Variants in GRIP2 observed in about 807,000 individuals in gnomAD.
GRIP2 encodes the protein glutamate receptor-interacting protein 2.
In GRIP2, 58 loss-of-function variants were observed where a neutral mutation model predicts 108.3. That is an observed-to-expected ratio of 0.54 (90% CI 0.43 to 0.67). The LOEUF is 0.67. Ranked by LOEUF, GRIP2 falls within the 30% of genes least tolerant of loss-of-function variation. GRIP2 has a pLI of 0.00. For synonymous variants in GRIP2, 586 were observed against 598.2 expected, an observed-to-expected ratio of 0.98 and a Z score of 0.30; for missense variants, 1,278 against 1,430.6, an observed-to-expected ratio of 0.89 and a Z score of 1.72.
intron 1 of GRIP2, among the ~76,000 whole-genome samples, chr3:14,538,097 C>T (rs1274941583): frequency 6.6e-6 from 1 of 152,190 alleles, no homozygotes; most frequent in Non-Finnish European, 1.5e-5. Flanking sequence ...AAGGGACCCA[C>T]CCAGAGTCCA....
At chr3:14,518,004 C>A (rs747887714) in intron 9 of GRIP2, 107 bp from the exon 10 acceptor site, 9 of 1,313,882 alleles carry the variant, frequency 6.8e-6, no homozygotes, top group Non-Finnish European at 6.1e-6. Context: ...TCCCCTGAGC[C>A]AGGCAAGGCA....
At chr3:14,598,398 C>A in the GRIP2 span, among the ~76,000 whole-genome samples, 1 of 151,924 alleles carries the variant, frequency 6.6e-6, no homozygotes, top group Non-Finnish European at 1.5e-5. Context: ...CCTTAACAGT[C>A]CATAACTGCA....
chr3:14,525,599 G>C, intron 2 of GRIP2, 27 bp from the exon 3 acceptor site: 1 of 1,613,160 alleles, frequency 6.2e-7, no homozygotes, highest in Non-Finnish European at 8.5e-7. Flanking sequence ...ATGGGGGCTT[G>C]AGCGGGCAGC....
At chr3:14,535,860 C>T (rs1694821639) in intron 1 of GRIP2, among the ~76,000 whole-genome samples, 1 of 152,184 alleles carries the variant, frequency 6.6e-6, no homozygotes, top group South Asian at 2.1e-4. Flanking sequence ...CGGGGCTGTT[C>T]GGCTCCAGGC....
At chr3:14,603,016 G>C in the GRIP2 span, among the ~76,000 whole-genome samples, 284 of 146,344 alleles carry the variant, frequency 1.9e-3, 3 homozygotes, top group Non-Finnish European at 2.6e-3. Flanking sequence ...GCCCGGCCTC[G>C]CCAGCCCGGC....
intron 21 of GRIP2, among the ~76,000 whole-genome samples, chr3:14,498,749 T>A (rs1233031172): frequency 6.6e-6 from 1 of 152,190 alleles, no homozygotes; most frequent in Non-Finnish European, 1.5e-5. Flanking sequence ...CAGACTGAGC[T>A]GATACAGGAA....
At chr3:14,596,674 G>A in the GRIP2 span, among the ~76,000 whole-genome samples, 1 of 152,168 alleles carries the variant, frequency 6.6e-6, no homozygotes, top group Non-Finnish European at 1.5e-5. Context: ...GCAGTGCAAA[G>A]GGCTGGCAGG....
At chr3:14,526,841 A>T (rs1694567775) in intron 1 of GRIP2, among the ~76,000 whole-genome samples, 1 of 152,230 alleles carries the variant, frequency 6.6e-6, no homozygotes, top group African/African-American at 2.4e-5. Flanking sequence ...TATGATGCAG[A>T]GATTCTCAAA....
At chr3:14,513,576 G>A (rs1694159928) in intron 13 of GRIP2, 89 bp downstream of exon 13, 4 of 1,458,682 alleles carry the variant, frequency 2.7e-6, no homozygotes, top group Non-Finnish European at 3.7e-6. Context: ...GGGGGATGGG[G>A]TGGAGCGTTT....
At chr3:14,572,837 C>T in the GRIP2 span, 6 of 1,070,636 alleles carry the variant, frequency 5.6e-6, no homozygotes, top group Admixed American at 3.5e-5. Flanking sequence ...GTCCCTGGAG[C>T]CCGCAGCCAG....
At chr3:14,527,650 G>A (rs1386802582) in intron 1 of GRIP2, among the ~76,000 whole-genome samples, 1 of 152,162 alleles carries the variant, frequency 6.6e-6, no homozygotes, top group Non-Finnish European at 1.5e-5. Flanking sequence ...AGCACTTTGG[G>A]AGGTCAAGGT....
At chr3:14,560,241 G>A (rs928781509), upstream of GRIP2, among the ~76,000 whole-genome samples, 5 of 152,034 alleles carry the variant, frequency 3.3e-5, no homozygotes, top group Non-Finnish European at 7.4e-5. Context: ...GTGACAGAGG[G>A]AGATCCTGTC....
At chr3:14,562,270 T>C in the GRIP2 span, among the ~76,000 whole-genome samples, 1 of 152,164 alleles carries the variant, frequency 6.6e-6, no homozygotes, top group South Asian at 2.1e-4. Flanking sequence ...ATATGAGCCT[T>C]TCTTGTAGTC....
At chr3:14,602,836 C>T in the GRIP2 span, among the ~76,000 whole-genome samples, 2 of 151,600 alleles carry the variant, frequency 1.3e-5, no homozygotes, top group Admixed American at 6.6e-5. This position sits in a 1 kb window ranked among gnomAD's most constrained non-coding sequence, Gnocchi z 4.7. Flanking sequence ...GCGCCCCAGG[C>T]GTGTGCGCCC....
Position 14,525,446 on chromosome 3 carries a change from A to T in GRIP2, c.248T>A (p.Leu83His). 1 of 1,611,220 alleles carries T rather than the reference A, an allele frequency of 6.2e-7. No homozygotes were observed. Among genetic ancestry groups the T allele is most frequent in the Middle Eastern group, 1.7e-4 (1 of 6,054 alleles). Residue 83 changes from leucine (L) to histidine (H), a missense_variant, in exon 3 of 24, where the codon CTT becomes CAT. Leu to His is a moderately conservative substitution (Grantham distance 99). Coordinates refer to ENST00000621039, the MANE Select transcript of GRIP2 (RefSeq NM_001080423.4). ...PRVSNLRPGGLAARSDLLNIG... is the reference protein window; with the variant it reads ...PRVSNLRPGGHAARSDLLNIG... ...CAAGCCCACTTCTCACCTGGCTGCA[A>T]GTCCCCCAGGTCTCAGGTTGGAGAC...
chr3:14,560,748 G>A (rs573766426), upstream of GRIP2, among the ~76,000 whole-genome samples: 13 of 152,176 alleles, frequency 8.5e-5, no homozygotes, highest in Non-Finnish European at 1.6e-4. Flanking sequence ...TTGAACTTAA[G>A]CCAATACATT....
At chr3:14,577,512 C>G in the GRIP2 span, among the ~76,000 whole-genome samples, 1 of 152,190 alleles carries the variant, frequency 6.6e-6, no homozygotes, top group African/African-American at 2.4e-5. Flanking sequence ...TGCTTCCTCT[C>G]CAATCAAAAG....
intron 1 of GRIP2, among the ~76,000 whole-genome samples, chr3:14,534,539 C>G (rs1379121474): frequency 6.6e-6 from 1 of 151,080 alleles, no homozygotes; most frequent in South Asian, 2.1e-4. Context: ...TTTTTTTTTC[C>G]CTGTCTCCTC....
chr3:14,521,898 G>T lies in GRIP2; in HGVS notation c.567-111C>A. 9.8e-7 allele frequency: 1 copy of T among 1,024,028 alleles called. No homozygotes were observed. The highest frequency in any genetic ancestry group is 1.8e-5 in the South Asian group (1 of 56,406). The allele number at this position is 1,024,028 out of a possible 1,614,324, so 63.4% of individuals were successfully genotyped here. On this transcript the variant is annotated intron_variant, in intron 6 of 23. Coordinates refer to ENST00000621039, the MANE Select transcript of GRIP2 (RefSeq NM_001080423.4). The surrounding 1 kb of genome is among the most constrained non-coding windows in gnomAD (Gnocchi z 5.1). ...GAGGATGAAGAAGCAGGGAATGGGT[G>T]GGGGAGGAAGGGGAGGAGGGGACGG...
Sources: gnomAD v4.1 joint callset for allele counts (sites outside exome capture counted in the v4.1 genomes callset) on GRCh38, gnomAD v4.1.1 for gene constraint, Gnocchi (gnomAD v3.1) non-coding constraint, MANE v1.5 for transcripts, NCBI Gene and HGNC (gene_info 2026-07-23, HGNC 2026-07-21) for gene names.